The following GPLD1 variants were observed in gnomAD, a reference collection of about 807,000 sequenced individuals.
GPLD1 encodes glycosylphosphatidylinositol specific phospholipase D1, also known as phosphatidylinositol-glycan-specific phospholipase D.
In GPLD1, 84 loss-of-function variants were observed where a neutral mutation model predicts 112.6. The ratio of observed to expected loss-of-function variants is 0.75; its 90% CI spans 0.63 to 0.89. GPLD1 has a LOEUF of 0.89. Among genes scored for constraint, GPLD1 ranks in the 40% least tolerant of loss-of-function variants. GPLD1 has a pLI of 0.00. For synonymous variants in GPLD1, 386 were observed against 403.8 expected, an observed-to-expected ratio of 0.96 and a Z score of 0.53; for missense variants, 1,044 against 1,051.5, an observed-to-expected ratio of 0.99 and a Z score of 0.10.
Position 24,449,773 on chromosome 6 carries a change from C to A in GPLD1, c.1446+16G>T, listed in dbSNP as rs781301464. 2 of 1,568,942 alleles carry A rather than the reference C, an allele frequency of 1.3e-6. No individual in the cohort carries two copies. The highest frequency in any genetic ancestry group is 1.8e-6 in the Non-Finnish European group (2 of 1,141,704). On this transcript the variant is annotated intron_variant, in intron 15 of 24. Transcript: ENST00000230036. ...CCACCCCATTCTCCTCCAACCCTAT[C>A]CAGCAGCAGCCTTACTTTGTAGGTG... is the stretch of plus-strand genomic sequence containing the variant.
chr6:24,481,024 CA>C (rs1764185834), intron 2 of GPLD1, among the ~76,000 whole-genome samples: 1 of 152,198 alleles, frequency 6.6e-6, no homozygotes, highest in Non-Finnish European at 1.5e-5. Context: ...GTCCCAGAAC[CA>C]ATAGGTGAGG....
chr6:24,485,130 T>G (rs1764327058), intron 2 of GPLD1, among the ~76,000 whole-genome samples: 1 of 152,260 alleles, frequency 6.6e-6, no homozygotes, highest in Non-Finnish European at 1.5e-5. Context: ...TCTCAGTGCG[T>G]ATTTCTTAAT....
intron 7 of GPLD1, among the ~76,000 whole-genome samples, chr6:24,471,162 A>T (rs1449777789): frequency 6.6e-6 from 1 of 152,238 alleles, no homozygotes; most frequent in Non-Finnish European, 1.5e-5. Context: ...GACATATCAG[A>T]AAGCCCAGAA....
chr6:24,453,301 A>G (rs1438754213), intron 14 of GPLD1, among the ~76,000 whole-genome samples: 1 of 152,234 alleles, frequency 6.6e-6, no homozygotes, highest in Non-Finnish European at 1.5e-5. Flanking sequence ...AGTAAACAGT[A>G]CATGGGAACT....
At chr6:24,459,513 A>G (rs1763368999) in intron 12 of GPLD1, among the ~76,000 whole-genome samples, 1 of 151,996 alleles carries the variant, frequency 6.6e-6, no homozygotes, top group Non-Finnish European at 1.5e-5. Context: ...TGCCTCAGCC[A>G]CTTAAAGTGC....
downstream of GPLD1, chr6:24,423,990 T>G (rs1399336029): frequency 5.7e-6 from 1 of 176,284 alleles, no homozygotes. Flanking sequence ...AGATTTTAAT[T>G]TATACATATC....
At chr6:24,431,863 G>T (rs79737541) in intron 24 of GPLD1, among the ~76,000 whole-genome samples, 17,160 of 151,954 alleles carry the variant, frequency 0.11, 1,314 homozygotes, top group East Asian at 0.16. Flanking sequence ...CTGCCATATC[G>T]AAATTTAAAC....
intron 3 of GPLD1, among the ~76,000 whole-genome samples, chr6:24,479,644 T>C (rs1764136335): frequency 6.6e-6 from 1 of 152,198 alleles, no homozygotes; most frequent in Admixed American, 6.5e-5. Flanking sequence ...AAAAAATAGT[T>C]TTCAGAATTT....
At chr6:24,482,280 T>C (rs1764230797) in intron 2 of GPLD1, among the ~76,000 whole-genome samples, 1 of 127,770 alleles carries the variant, frequency 7.8e-6, no homozygotes, top group Non-Finnish European at 1.5e-5. Context: ...TTTGTATTTT[T>C]TTTCTTTTTT....
chr6:24,472,852 T>C (rs977742649), intron 6 of GPLD1, among the ~76,000 whole-genome samples: 1 of 152,064 alleles, frequency 6.6e-6, no homozygotes, highest in Admixed American at 6.6e-5. Context: ...CTCGGCTCAC[T>C]GAAACCTCCG....
intron 10 of GPLD1, among the ~76,000 whole-genome samples, chr6:24,464,310 C>A (rs1561846330): frequency 6.6e-6 from 1 of 152,160 alleles, no homozygotes; most frequent in Non-Finnish European, 1.5e-5. Context: ...GGTTTAGCAA[C>A]TTGTTCCAGA....
chr6:24,461,421 C>T (rs1334085393), intron 11 of GPLD1, among the ~76,000 whole-genome samples: 1 of 152,174 alleles, frequency 6.6e-6, no homozygotes, highest in Non-Finnish European at 1.5e-5. Flanking sequence ...TTCATTCTTC[C>T]AAAGTGCTAA....
intron 2 of GPLD1, among the ~76,000 whole-genome samples, chr6:24,485,635 T>C (rs1282150848): frequency 6.6e-6 from 1 of 152,000 alleles, no homozygotes; most frequent in Non-Finnish European, 1.5e-5. Flanking sequence ...AATAACATAA[T>C]ATACAACATT....
chr6:24,439,130 G>A (rs979446892), intron 20 of GPLD1, among the ~76,000 whole-genome samples: 1 of 152,046 alleles, frequency 6.6e-6, no homozygotes, highest in African/African-American at 2.4e-5. Context: ...GAGCTCCCTG[G>A]AGCGCCCAGG....
intron 11 of GPLD1, among the ~76,000 whole-genome samples, chr6:24,461,672 G>A (rs1763442291): frequency 6.6e-6 from 1 of 151,996 alleles, no homozygotes; most frequent in Non-Finnish European, 1.5e-5. Flanking sequence ...AGGCCAGGAC[G>A]CTTGCAAATC....
chr6:24,446,761 C>G, intron 18 of GPLD1, 77 bp downstream of exon 18: 1 of 1,419,766 alleles, frequency 7.0e-7, no homozygotes, highest in Non-Finnish European at 9.6e-7. Context: ...TTCCCTCAGC[C>G]TCATGCTCAG....
intron 1 of GPLD1, chr6:24,494,882 C>T (rs1764652112): frequency 1.7e-6 from 2 of 1,157,720 alleles, no homozygotes; most frequent in African/African-American, 1.6e-5. Flanking sequence ...CCAGCTCCCA[C>T]GCTTTCCCCG....
At chr6:24,454,893 C>T (rs996873317) in intron 13 of GPLD1, among the ~76,000 whole-genome samples, 2 of 152,232 alleles carry the variant, frequency 1.3e-5, no homozygotes, top group African/African-American at 2.4e-5. Flanking sequence ...CTTTGGGAGG[C>T]CAAGGCAGGT....
rs752060847 is a variant in GPLD1, at chr6:24,475,227, G to A, written c.335C>T (p.Thr112Ile). 6 of 1,573,370 alleles carry A rather than the reference G, an allele frequency of 3.8e-6. No homozygotes were observed. The highest frequency in any genetic ancestry group is 1.3e-5 in the African/African-American group (1 of 74,116). The stretch of plus-strand genomic sequence containing the variant: ...AAACAAGAAAGCTACCAGTTTCTCT[G>A]TGTCCTGCCAAACAAGCAAATTAGA... ...ENYPLPWEKDTEKLVAFLFGI... is the reference protein window; with the variant it reads ...ENYPLPWEKDIEKLVAFLFGI... The change falls in exon 5 of 25, where the codon ACA (threonine) becomes ATA (isoleucine). Residue 112 changes from threonine to isoleucine, a missense_variant. Transcript: ENST00000230036.
Sources: gnomAD v4.1 joint callset for allele counts (sites outside exome capture counted in the v4.1 genomes callset) on GRCh38, gnomAD v4.1.1 for gene constraint, MANE v1.5 for transcripts, NCBI Gene and HGNC (gene_info 2026-07-23, HGNC 2026-07-21) for gene names.